PTPRG: variants seen among roughly 807,000 people sequenced by gnomAD.
The protein encoded by PTPRG is protein tyrosine phosphatase receptor type G.
A neutral mutation model predicts 165.3 loss-of-function variants in PTPRG; 102 were observed. The observed-to-expected ratio is 0.62, with a 90% CI of 0.53 to 0.73. The LOEUF is 0.73. Among genes scored for constraint, PTPRG ranks in the 30% least tolerant of loss-of-function variants. The probability of loss-of-function intolerance (pLI) is 0.00; values close to 1 mark genes in which losing one functional copy is unlikely to be tolerated. For missense variants in PTPRG, 1,866 were observed against 1,861.4 expected (o/e 1.00, Z -0.05); for synonymous variants, 675 against 669.5 (o/e 1.01, Z -0.13).
chr3:61,827,598 CTCTG>C (rs1297830364), intron 2 of PTPRG, among the ~76,000 whole-genome samples: 1 of 152,146 alleles, frequency 6.6e-6, no homozygotes, highest in Non-Finnish European at 1.5e-5. Flanking sequence ...AGTCATATTT[CTCTG>C]TCTATCTAAC....
chr3:61,571,383 A>G (rs1050415804), intron 1 of PTPRG, among the ~76,000 whole-genome samples: 7 of 152,162 alleles, frequency 4.6e-5, no homozygotes, highest in African/African-American at 7.2e-5. Context: ...TCCTAATTGC[A>G]CAGGAGGGCC....
chr3:62,275,604 A>C (rs1294945430), intron 23 of PTPRG, among the ~76,000 whole-genome samples: 2 of 152,154 alleles, frequency 1.3e-5, no homozygotes, highest in Non-Finnish European at 2.9e-5. Flanking sequence ...TTCTATAAAC[A>C]ATTTTAAAAA....
At chr3:62,185,810 C>T (rs1339026779) in intron 8 of PTPRG, among the ~76,000 whole-genome samples, 1 of 152,222 alleles carries the variant, frequency 6.6e-6, no homozygotes, top group Non-Finnish European at 1.5e-5. Context: ...AGTGTTCCCT[C>T]GTAATCCTCA....
chr3:61,778,711 C>T (rs1489446328), intron 2 of PTPRG, among the ~76,000 whole-genome samples: 2 of 152,062 alleles, frequency 1.3e-5, no homozygotes, highest in African/African-American at 4.8e-5. Context: ...CTACTGTAGC[C>T]TTGAAGGAGT....
intron 1 of PTPRG, among the ~76,000 whole-genome samples, chr3:61,732,811 G>A (rs2032566185): frequency 6.6e-6 from 1 of 152,180 alleles, no homozygotes; most frequent in Non-Finnish European, 1.5e-5. Context: ...TTGGAAGGGT[G>A]CTTCTTATCC....
chr3:62,248,411 A>C (rs749937333), intron 15 of PTPRG, among the ~76,000 whole-genome samples: 12 of 152,182 alleles, frequency 7.9e-5, no homozygotes, highest in Non-Finnish European at 1.6e-4. Context: ...GTGAGGATAA[A>C]GCATAATTGA....
chr3:61,872,008 C>T (rs1017025689), intron 2 of PTPRG, among the ~76,000 whole-genome samples: 1 of 152,204 alleles, frequency 6.6e-6, no homozygotes, highest in Non-Finnish European at 1.5e-5. Context: ...TTCTTTTTAA[C>T]CAGTGCAGCA....
intron 2 of PTPRG, among the ~76,000 whole-genome samples, chr3:61,981,606 C>T (rs2040645591): frequency 6.6e-6 from 1 of 152,138 alleles, no homozygotes; most frequent in Non-Finnish European, 1.5e-5. Flanking sequence ...ATTTATTAAA[C>T]CCTTATCACA....
At chr3:61,710,230 C>G (rs1486359753) in intron 1 of PTPRG, among the ~76,000 whole-genome samples, 1 of 152,098 alleles carries the variant, frequency 6.6e-6, no homozygotes, top group Non-Finnish European at 1.5e-5. Flanking sequence ...AGAACTTCAG[C>G]TTTTTCTGCT....
At chr3:62,084,677 G>GTT (rs1701688311) in intron 5 of PTPRG, among the ~76,000 whole-genome samples, 1 of 152,114 alleles carries the variant, frequency 6.6e-6, no homozygotes, top group African/African-American at 2.4e-5. Context: ...GGGCTGGCGA[G>GTT]GAAGCCTTTC....
chr3:61,910,313 A>C (rs1046126614), intron 2 of PTPRG, among the ~76,000 whole-genome samples: 1 of 152,092 alleles, frequency 6.6e-6, no homozygotes, highest in African/African-American at 2.4e-5. Flanking sequence ...GTGCTCCATC[A>C]CTTCCTAGGA....
rs369516404 is a variant in PTPRG, at chr3:62,149,258, C to G, written c.683-7809C>G. On this transcript the variant is annotated intron_variant, in intron 6 of 29. Transcript: ENST00000474889. ...AAAATTAACTCCCTCTGGGGTCCCCCTAGGGAGGCCTCTTTTTTTTTTTTT... is the reference window on the plus strand; with the variant it reads ...AAAATTAACTCCCTCTGGGGTCCCCGTAGGGAGGCCTCTTTTTTTTTTTTT... Among the ~76,000 whole-genome samples the G allele has an allele frequency of 2.6e-4, 38 of 144,570 alleles. 1 individual carries two copies. In the East Asian group the frequency reaches 6.6e-3, roughly 25 times the overall value. 94.8% of individuals were successfully genotyped at this position (144,570 alleles called of 152,430 possible).
intron 28 of PTPRG, among the ~76,000 whole-genome samples, chr3:62,292,112 C>T (rs911397878): frequency 6.6e-6 from 1 of 152,036 alleles, no homozygotes; most frequent in African/African-American, 2.4e-5. Flanking sequence ...TATTGTACCA[C>T]CCAACTCATC....
chr3:62,139,748 T>A (rs1439579204), intron 6 of PTPRG, among the ~76,000 whole-genome samples: 1 of 152,216 alleles, frequency 6.6e-6, no homozygotes, highest in Non-Finnish European at 1.5e-5. Context: ...ACTAGTTTGT[T>A]CACTTGGCTC....
chr3:62,082,286 G>T (rs1701608670), intron 5 of PTPRG, among the ~76,000 whole-genome samples: 1 of 151,950 alleles, frequency 6.6e-6, no homozygotes, highest in South Asian at 2.1e-4. Flanking sequence ...CTTTCTGTCT[G>T]CCTTTGCTGT....
At chr3:61,857,903 C>T (rs184100741) in intron 2 of PTPRG, among the ~76,000 whole-genome samples, 12 of 152,208 alleles carry the variant, frequency 7.9e-5, no homozygotes, top group Admixed American at 2.0e-4. Context: ...GGGGGCTCTC[C>T]TCTGATATTT....
intron 12 of PTPRG, among the ~76,000 whole-genome samples, chr3:62,208,209 T>G (rs1387718260): frequency 1.3e-5 from 2 of 152,106 alleles, no homozygotes; most frequent in African/African-American, 4.8e-5. Flanking sequence ...TTTCTAGCGT[T>G]TCTTTAGTGC....
chr3:62,064,991 C>G (rs1366325499), intron 4 of PTPRG, among the ~76,000 whole-genome samples: 1 of 152,064 alleles, frequency 6.6e-6, no homozygotes, highest in Non-Finnish European at 1.5e-5. Flanking sequence ...CTCGGCTTCC[C>G]AAAGTGCTGA....
chr3:61,810,942 C>G (rs1157786093), intron 2 of PTPRG, among the ~76,000 whole-genome samples: 1 of 152,112 alleles, frequency 6.6e-6, no homozygotes, highest in Non-Finnish European at 1.5e-5. Context: ...TGAGGGTTCC[C>G]CCTTGCCTAC....
Sources: allele counts gnomAD v4.1 joint callset (sites outside exome capture counted in the v4.1 genomes callset), GRCh38; gene constraint gnomAD v4.1.1; transcripts MANE v1.5; gene names NCBI Gene and HGNC (gene_info 2026-07-23, HGNC 2026-07-21).